The following NDUFAF2 variants were observed in gnomAD, a reference collection of about 807,000 sequenced individuals.
The protein encoded by NDUFAF2 is NADH dehydrogenase [ubiquinone] 1 alpha subcomplex assembly factor 2.
A neutral mutation model predicts 22.8 loss-of-function variants in NDUFAF2; 13 were observed. The observed-to-expected ratio is 0.57, with a 90% CI of 0.37 to 0.91. The LOEUF is 0.91. Ranked by LOEUF, NDUFAF2 falls within the 40% of genes least tolerant of loss-of-function variation. NDUFAF2 has a pLI of 0.01. For synonymous variants in NDUFAF2, 53 were observed against 64.2 expected, an observed-to-expected ratio of 0.83 and a Z score of 0.84; for missense variants, 162 against 195.2, an observed-to-expected ratio of 0.83 and a Z score of 1.01.
At chr5:61,089,150 A>C (rs886139956) in intron 2 of NDUFAF2, among the ~76,000 whole-genome samples, 6 of 152,092 alleles carry the variant, frequency 3.9e-5, no homozygotes, top group Non-Finnish European at 5.9e-5. Flanking sequence ...CTTTAATCTT[A>C]TTATAGTGGC....
chr5:61,127,698 G>A (rs1037491613), intron 3 of NDUFAF2, among the ~76,000 whole-genome samples: 11 of 152,074 alleles, frequency 7.2e-5, no homozygotes, highest in Non-Finnish European at 1.3e-4. Flanking sequence ...TACTGAATGG[G>A]CAAAAACTGG....
chr5:60,988,843 A>G (rs1751118980), intron 1 of NDUFAF2, among the ~76,000 whole-genome samples: 2 of 152,226 alleles, frequency 1.3e-5, no homozygotes, highest in South Asian at 4.1e-4. Context: ...GACCTAGGCA[A>G]TACCATTCTG....
At chr5:61,064,588 A>T (rs1752206475) in intron 1 of NDUFAF2, among the ~76,000 whole-genome samples, 1 of 152,074 alleles carries the variant, frequency 6.6e-6, no homozygotes, top group East Asian at 1.9e-4. Flanking sequence ...AACCTTGGAA[A>T]ATTAACAAAT....
intron 3 of NDUFAF2, among the ~76,000 whole-genome samples, chr5:61,150,872 C>T (rs1039253529): frequency 3.9e-5 from 6 of 152,134 alleles, no homozygotes; most frequent in African/African-American, 1.4e-4. Context: ...TGTGATACAT[C>T]ATCACCTTAT....
intron 1 of NDUFAF2, among the ~76,000 whole-genome samples, chr5:60,987,543 T>C (rs1280863876): frequency 1.3e-5 from 2 of 152,116 alleles, no homozygotes; most frequent in African/African-American, 4.8e-5. Flanking sequence ...AGCAAAATAC[T>C]AGCAAATCCA....
At chr5:61,076,210 A>C (rs1218859208) in intron 2 of NDUFAF2, among the ~76,000 whole-genome samples, 1 of 152,052 alleles carries the variant, frequency 6.6e-6, no homozygotes, top group East Asian at 1.9e-4. Context: ...AGCTGGGACT[A>C]CAGGTGCCCG....
At chr5:61,029,217 G>A (rs925722968) in intron 1 of NDUFAF2, among the ~76,000 whole-genome samples, 1 of 152,068 alleles carries the variant, frequency 6.6e-6, no homozygotes, top group Non-Finnish European at 1.5e-5. Flanking sequence ...ACATGTATGG[G>A]GGCAGGTGAT....
intron 2 of NDUFAF2, among the ~76,000 whole-genome samples, chr5:61,094,352 C>A (rs2111760199): frequency 6.6e-6 from 1 of 152,206 alleles, no homozygotes; most frequent in East Asian, 1.9e-4. Context: ...TTACATTCTT[C>A]TCTATACTGG....
chr5:61,052,092 A>G (rs894033074), intron 1 of NDUFAF2, among the ~76,000 whole-genome samples: 3 of 151,086 alleles, frequency 2.0e-5, no homozygotes, highest in African/African-American at 7.2e-5. Context: ...AATAAAGTAC[A>G]AAATCTTATA....
chr5:61,025,615 G>C lies in NDUFAF2; in HGVS notation c.128-47510G>C, dbSNP rs373635567. Among the ~76,000 whole-genome samples the C allele has an allele frequency of 1.8e-4, 28 of 151,940 alleles. 1 individual carries two copies. In the South Asian group the frequency reaches 4.8e-3, roughly 26 times the overall value. ...ATGTATTAAGAGGAATGCCTGCTCT[G>C]TTTTGATTCTATGTTTTAATATTTT... On this transcript the variant is annotated intron_variant, in intron 1 of 3. Coordinates refer to ENST00000296597, the MANE Select transcript of NDUFAF2 (RefSeq NM_174889.5).
chr5:61,095,370 C>T (rs1752626608), intron 2 of NDUFAF2, among the ~76,000 whole-genome samples: 1 of 152,194 alleles, frequency 6.6e-6, no homozygotes, highest in Admixed American at 6.5e-5. Context: ...GTGGCCCTTC[C>T]CTCCCCCAAG....
At chr5:61,006,735 G>C (rs1305185113) in intron 1 of NDUFAF2, among the ~76,000 whole-genome samples, 1 of 151,938 alleles carries the variant, frequency 6.6e-6, no homozygotes, top group Non-Finnish European at 1.5e-5. Context: ...TTAAAACATA[G>C]CGTATTGTTA....
intron 1 of NDUFAF2, among the ~76,000 whole-genome samples, chr5:60,980,460 A>T (rs1750961753): frequency 6.6e-6 from 1 of 152,158 alleles, no homozygotes; most frequent in Non-Finnish European, 1.5e-5. Context: ...ATTTTAACAA[A>T]GAAATACAAA....
At chr5:60,967,019 T>A (rs1750766340) in intron 1 of NDUFAF2, among the ~76,000 whole-genome samples, 1 of 152,112 alleles carries the variant, frequency 6.6e-6, no homozygotes. Flanking sequence ...GCAGTTTCTT[T>A]TGTCAGTGTT....
At chr5:61,115,816 T>C (rs1752905272) in intron 3 of NDUFAF2, 1 of 152,152 alleles carries the variant, frequency 6.6e-6, no homozygotes, top group Non-Finnish European at 1.5e-5. Flanking sequence ...ATAATAGCAT[T>C]ATATCAATTT....
intron 1 of NDUFAF2, among the ~76,000 whole-genome samples, chr5:61,026,828 T>G (rs1055544926): frequency 2.6e-5 from 4 of 151,980 alleles, no homozygotes; most frequent in African/African-American, 4.8e-5. Context: ...TTCTTTCTTT[T>G]GTTTAATGCA....
At chr5:61,014,244 C>T (rs1580095139) in intron 1 of NDUFAF2, among the ~76,000 whole-genome samples, 1 of 152,190 alleles carries the variant, frequency 6.6e-6, no homozygotes, top group Non-Finnish European at 1.5e-5. Context: ...TTAATGAGAC[C>T]TCCGTGAAAA....
chr5:61,143,963 T>C (rs1561138962), intron 3 of NDUFAF2, among the ~76,000 whole-genome samples: 1 of 11,688 alleles, frequency 8.6e-5, no homozygotes, highest in Non-Finnish European at 2.0e-4. Context: ...CATATTTTTG[T>C]GTGTGTGTGT....
At chr5:61,058,843 A>G (rs1490528446) in intron 1 of NDUFAF2, among the ~76,000 whole-genome samples, 1 of 152,028 alleles carries the variant, frequency 6.6e-6, no homozygotes, top group Non-Finnish European at 1.5e-5. Flanking sequence ...TGAAATGACT[A>G]CTTCTTTCAG....
Sources: allele counts gnomAD v4.1 joint callset (sites outside exome capture counted in the v4.1 genomes callset), GRCh38; gene constraint gnomAD v4.1.1; transcripts MANE v1.5; gene names NCBI Gene and HGNC (gene_info 2026-07-23, HGNC 2026-07-21).